SYT7: variants seen among roughly 807,000 people sequenced by gnomAD.
SYT7 encodes synaptotagmin 7, also known as synaptotagmin-7.
Under a neutral mutation model 75.1 loss-of-function variants are expected in SYT7, and 29 were observed. The ratio of observed to expected loss-of-function variants is 0.39; its 90% confidence interval spans 0.29 to 0.53. SYT7 has a LOEUF of 0.53. SYT7 is among the 20% of genes least tolerant of loss of function. SYT7 has a pLI of 0.77. For missense variants in SYT7, 693 were observed against 953.2 expected, an observed-to-expected ratio of 0.73 and a Z score of 3.59; for synonymous variants, 376 against 401.7, an observed-to-expected ratio of 0.94 and a Z score of 0.76.
rs1166320830 is a variant in SYT7 at position 61,553,163 on chromosome 11, T to C, written c.136-1700A>G. ...AAAAGCTGCCACTCACAGCTCCAAC[T>C]CCGATCCCTCCCATCACTACCCAGA... On this transcript the variant is annotated intron_variant, in intron 2 of 12. Transcript: ENST00000539008. The surrounding 1 kb of genome is among the most constrained non-coding windows in gnomAD (Gnocchi z 5.2). 3.9e-5 allele frequency among the ~76,000 whole-genome samples: 6 copies of C among 152,130 alleles called. No homozygotes were observed. The highest frequency in any genetic ancestry group is 8.8e-5 in the Non-Finnish European group (6 of 67,998).
At chr11:61,531,022 CT>C in intron 8 of SYT7, 3 of 985,458 alleles carry the variant, frequency 3.0e-6, no homozygotes, top group Non-Finnish European at 3.6e-6. Flanking sequence ...ACCTCTGCCC[CT>C]CAGCTCCTTC....
intron 1 of SYT7, among the ~76,000 whole-genome samples, chr11:61,560,142 C>T (rs1211804747): frequency 2.0e-5 from 3 of 152,202 alleles, no homozygotes; most frequent in Admixed American, 1.3e-4. Context: ...GGTCAAATAC[C>T]ATGTCCAAGT....
In SYT7 at chr11:61,527,895, G is replaced by C. The variant is rs1322213084; in HGVS notation, c.1471+20C>G. ...ACAGCAAGAGGTGACCATGGCGGGG[G>C]AAGGTGGCACTAGACTCACCTTCAA... On this transcript the variant is annotated intron_variant, in intron 9 of 12. Coordinates refer to ENST00000539008, the MANE Select transcript of SYT7 (RefSeq NM_001365809.2). 6.2e-7 allele frequency: 1 copy of C among 1,611,344 alleles called. No homozygotes were observed. The highest frequency in any genetic ancestry group is 1.1e-5 in the South Asian group (1 of 91,020).
At chr11:61,569,836 C>T (rs560598051) in intron 1 of SYT7, among the ~76,000 whole-genome samples, 32 of 152,292 alleles carry the variant, frequency 2.1e-4, no homozygotes, top group Admixed American at 1.6e-3. Flanking sequence ...GCTTTCTCTA[C>T]GTCATTGTCC....
At chr11:61,550,849 G>A (rs2063327200) in intron 3 of SYT7, among the ~76,000 whole-genome samples, 1 of 152,200 alleles carries the variant, frequency 6.6e-6, no homozygotes, top group Non-Finnish European at 1.5e-5. Flanking sequence ...GACACACAGC[G>A]GCCGGTGGGG....
intron 12 of SYT7, among the ~76,000 whole-genome samples, chr11:61,521,212 C>CT (rs1327711246): frequency 6.6e-6 from 1 of 152,188 alleles, no homozygotes; most frequent in East Asian, 1.9e-4. Context: ...TGAGCAGGAG[C>CT]TGGGAGTCAG....
intron 8 of SYT7, among the ~76,000 whole-genome samples, chr11:61,529,529 C>A (rs756362690): frequency 1.3e-5 from 2 of 152,238 alleles, no homozygotes; most frequent in Admixed American, 1.3e-4. Context: ...CCTGCTCTTT[C>A]CACTAAAGCA....
chr11:61,564,991 T>C (rs2063729956), intron 1 of SYT7, among the ~76,000 whole-genome samples: 1 of 152,106 alleles, frequency 6.6e-6, no homozygotes, highest in Admixed American at 6.5e-5. Flanking sequence ...CAGGGCTCTA[T>C]CTCTGGTACT....
upstream of SYT7, among the ~76,000 whole-genome samples, chr11:61,584,383 A>G (rs1389933754): frequency 2.2e-5 from 3 of 134,614 alleles, no homozygotes; most frequent in African/African-American, 8.6e-5. Context: ...TGACAGAATG[A>G]GACTCCGTCT....
upstream of SYT7, among the ~76,000 whole-genome samples, chr11:61,586,088 G>T (rs2064378542): frequency 6.6e-6 from 1 of 152,088 alleles, no homozygotes; most frequent in South Asian, 2.1e-4. Flanking sequence ...ATGTTACAGG[G>T]CCAGAAACCA....
In SYT7 at chr11:61,523,890, A is replaced by T; in HGVS notation, c.1693T>A (p.Ser565Thr). Reference sequence around the variant, plus strand: ...GCTTTGATGATGTTCACGATGATGGAGTTGGCAGAGGGGTTGTAGCAGAGA... The same window carrying T: ...GCTTTGATGATGTTCACGATGATGGTGTTGGCAGAGGGGTTGTAGCAGAGA... ...LSLCYNPSAN[S>T]IIVNIIKARN... is the part of the protein sequence containing the mutation. The change falls in exon 11 of 13, where the codon TCC (serine) becomes ACC (threonine). Residue 565 changes from serine to threonine, a missense_variant. Around this residue, in one of 2 missense-constraint regions of SYT7, gnomAD observed 206 missense variants for 360.0 expected, o/e 0.57. Transcript: ENST00000539008. This position sits in a 1 kb window ranked among gnomAD's most constrained non-coding sequence, Gnocchi z 5.0. 1 of 1,613,894 alleles carries T rather than the reference A, an allele frequency of 6.2e-7. No homozygotes were observed. The highest frequency in any genetic ancestry group is 1.3e-5 in the African/African-American group (1 of 74,952).
intron 1 of SYT7, among the ~76,000 whole-genome samples, chr11:61,560,975 G>A (rs997215518): frequency 6.6e-6 from 1 of 152,154 alleles, no homozygotes; most frequent in African/African-American, 2.4e-5. Flanking sequence ...GAGCTGCCAG[G>A]AACGAGCTGG....
At chr11:61,563,194 G>A (rs1225376288) in intron 1 of SYT7, among the ~76,000 whole-genome samples, 1 of 152,192 alleles carries the variant, frequency 6.6e-6, no homozygotes, top group African/African-American at 2.4e-5. Flanking sequence ...GCCATCACTT[G>A]TCTACTCAGA....
rs1474518736 is a variant in SYT7, at chr11:61,576,839, C to A, written c.31+3951G>T. 6.6e-6 allele frequency among the ~76,000 whole-genome samples: 1 copy of A among 152,142 alleles called. No individual in the cohort carries two copies. The highest frequency in any genetic ancestry group is 1.5e-5 in the Non-Finnish European group (1 of 68,024). ...GGGTGTAACAAGGAGACAGCCCCCA[C>A]TGGCACTCCATGTTGCCCTCAATGC... On this transcript the variant is annotated intron_variant, in intron 1 of 12. Coordinates refer to ENST00000539008, the MANE Select transcript of SYT7 (RefSeq NM_001365809.2). The surrounding 1 kb of genome is among the most constrained non-coding windows in gnomAD (Gnocchi z 4.1).
At chr11:61,557,513 C>T (rs1002007290) in intron 1 of SYT7, among the ~76,000 whole-genome samples, 2 of 152,174 alleles carry the variant, frequency 1.3e-5, no homozygotes, top group East Asian at 3.9e-4. Flanking sequence ...CTCCCTCCTC[C>T]ACTCCAGCAC....
chr11:61,573,324 C>A (rs1227260367), intron 1 of SYT7, among the ~76,000 whole-genome samples: 5 of 152,336 alleles, frequency 3.3e-5, no homozygotes, highest in Admixed American at 2.6e-4. Context: ...CCTGGGAAGC[C>A]CCCTCAGGGT....
chr11:61,551,600 T>G lies in SYT7; in HGVS notation c.136-137A>C. ...CAAGGCCAGGACCAGTGTGCGAGGC[T>G]GTCACCGCGGTGGGGGCCAATCCCC... is the stretch of plus-strand genomic sequence containing the variant. On this transcript the variant is annotated intron_variant, in intron 2 of 12. Transcript: ENST00000539008. The surrounding 1 kb of genome is among the most constrained non-coding windows in gnomAD (Gnocchi z 5.3). The G allele has an allele frequency of 1.2e-6, 1 of 843,640 alleles. No homozygotes were observed. Among genetic ancestry groups the G allele is most frequent in the Non-Finnish European group, 1.9e-6 (1 of 536,890 alleles). 52.3% of individuals were successfully genotyped at this position (843,640 alleles called of 1,614,324 possible).
intron 3 of SYT7, among the ~76,000 whole-genome samples, chr11:61,548,937 A>G (rs1332238470): frequency 6.6e-6 from 1 of 152,216 alleles, no homozygotes; most frequent in Non-Finnish European, 1.5e-5. Context: ...GCGTAGAGCC[A>G]GCTCACAGGG....
At chr11:61,547,026 GC>G in intron 4 of SYT7, 150 bp downstream of exon 4, 1 of 1,023,802 alleles carries the variant, frequency 9.8e-7, no homozygotes, top group South Asian at 1.6e-5. Flanking sequence ...TGGTCGGCCT[GC>G]CCATGGGGTG....
Sources: allele counts gnomAD v4.1 joint callset (sites outside exome capture counted in the v4.1 genomes callset), GRCh38; gene constraint gnomAD v4.1.1; regional missense constraint gnomAD v4.1.1; non-coding constraint Gnocchi (gnomAD v3.1); transcripts MANE v1.5; gene names NCBI Gene and HGNC (gene_info 2026-07-23, HGNC 2026-07-21).